ZNF746: variants seen among roughly 807,000 people sequenced by gnomAD.
The protein encoded by ZNF746 is zinc finger protein 746.
ZNF746 carries 13 observed loss-of-function variants against 41.0 expected under a neutral mutation model. The ratio of observed to expected loss-of-function variants is 0.32; its 90% CI spans 0.21 to 0.50. The LOEUF (loss-of-function observed/expected upper bound fraction) is 0.50, where lower values mean the gene tolerates loss of function less well. Among genes scored for constraint, ZNF746 ranks in the 20% least tolerant of loss-of-function variants. The pLI is 0.98. For missense variants in ZNF746, 811 were observed against 922.9 expected (o/e 0.88, Z 1.57); for synonymous variants, 424 against 396.2 (o/e 1.07, Z -0.83).
At position 149,475,214 on chromosome 7, in the gene ZNF746, G is replaced by A. The variant is rs1800255595; in HGVS notation, c.1153C>T (p.Pro385Ser). ...ACCCCTCCGAAGAGCCAGTCCCCAGGAGGGGTCTCCTCCTGGGCCACAGCA... is the reference window on the plus strand; with the variant it reads ...ACCCCTCCGAAGAGCCAGTCCCCAGAAGGGGTCTCCTCCTGGGCCACAGCA... ...SPAVAQEETP[P>S]GDWLFGGVRW... The change falls in exon 7 of 7, where the codon CCT (proline) becomes TCT (serine). Residue 385 changes from proline to serine, a missense_variant. By Grantham distance (74) the Pro-to-Ser change is moderately conservative. Coordinates refer to ENST00000458143, the MANE Select transcript of ZNF746 (RefSeq NM_001394198.1). 8 of 1,612,950 alleles carry A rather than the reference G, an allele frequency of 5.0e-6. No homozygotes were observed. The highest frequency in any genetic ancestry group is 2.2e-5 in the East Asian group (1 of 44,818).
At chr7:149,490,685 A>G (rs1562992031) in intron 4 of ZNF746, 1 of 152,690 alleles carries the variant, frequency 6.5e-6, no homozygotes, top group Non-Finnish European at 1.5e-5. Flanking sequence ...GGTATGGTAA[A>G]GTCACTGTCG....
intron 4 of ZNF746, among the ~76,000 whole-genome samples, chr7:149,482,164 T>G (rs1226623283): frequency 6.6e-6 from 1 of 152,232 alleles, no homozygotes; most frequent in East Asian, 1.9e-4. Context: ...ACATTTCAAG[T>G]GCTCAGTAGC....
chr7:149,493,883 G>A, intron 3 of ZNF746, 106 bp downstream of exon 3: 1 of 1,575,632 alleles, frequency 6.3e-7, no homozygotes, highest in Non-Finnish European at 8.7e-7. Flanking sequence ...GGTCAACAAT[G>A]TTTCTGGTGA....
At chr7:149,478,842 A>G (rs577104106) in intron 4 of ZNF746, among the ~76,000 whole-genome samples, 2 of 152,258 alleles carry the variant, frequency 1.3e-5, no homozygotes, top group Admixed American at 1.3e-4. Flanking sequence ...AAAGAACTCA[A>G]CATTCTAGAA....
chr7:149,475,426 G>C lies in ZNF746; in HGVS notation c.941C>G (p.Pro314Arg). 2 of 1,613,826 alleles carry C rather than the reference G, an allele frequency of 1.2e-6. No homozygotes were observed. Residue 314 changes from proline to arginine, a missense_variant, in exon 7 of 7, where the codon CCC becomes CGC. Physicochemically the swap from Pro to Arg is moderately radical, Grantham distance 103. Transcript: ENST00000458143. ...EVQEEEVVATPVHPTDLEAHG... is the reference protein window; with the variant it reads ...EVQEEEVVATRVHPTDLEAHG... ...AGCCTCTAGGTCAGTAGGATGTACGGGTGTGGCCACCACCTCCTCTTCCTG... is the reference window on the plus strand; with the variant it reads ...AGCCTCTAGGTCAGTAGGATGTACGCGTGTGGCCACCACCTCCTCTTCCTG...
intron 1 of ZNF746, among the ~76,000 whole-genome samples, chr7:149,496,497 C>G (rs1801002141): frequency 6.6e-6 from 1 of 152,192 alleles, no homozygotes; most frequent in Non-Finnish European, 1.5e-5. Context: ...TTCTTAGTCT[C>G]TCTCTGCAGA....
intron 4 of ZNF746, chr7:149,491,662 T>C (rs1285497107): frequency 1.4e-5 from 8 of 554,770 alleles, no homozygotes; most frequent in South Asian, 1.3e-4. Flanking sequence ...TGAGATGAGA[T>C]GACGAACATG....
At position 149,474,264 on chromosome 7, in the gene ZNF746, GC is replaced by G. The variant is rs887762113; in HGVS notation, c.*119del. On this transcript the variant is annotated 3_prime_UTR_variant, in exon 7 of 7. Transcript: ENST00000458143. This position sits in a 1 kb window ranked among gnomAD's most constrained non-coding sequence, Gnocchi z 6.3. Reference sequence around the variant, plus strand: ...TCTTTCTCCAGTGATCATCAGTTCAGCAACTTGGACATTTGGTTCTCCCCGT... The same window carrying G: ...TCTTTCTCCAGTGATCATCAGTTCAGAACTTGGACATTTGGTTCTCCCCGT... 40 of 1,175,080 alleles carry G rather than the reference GC, an allele frequency of 3.4e-5. No individual in the cohort carries two copies. The African/African-American group carries it at 5.0e-4, about 15-fold the overall frequency. The allele number at this position is 1,175,080 out of a possible 1,614,324, so 72.8% of individuals were successfully genotyped here. A position where few individuals can be genotyped will look rare whatever the true frequency, so the allele number is the denominator to read the frequency against.
chr7:149,474,137 A>G lies in ZNF746; in HGVS notation c.*247T>C. The G allele has an allele frequency of 1.9e-6, 1 of 539,710 alleles. No individual in the cohort carries two copies. The highest frequency in any genetic ancestry group is 3.3e-6 in the Non-Finnish European group (1 of 306,850). 33.4% of individuals were successfully genotyped at this position (539,710 alleles called of 1,614,324 possible). A position where few individuals can be genotyped will look rare whatever the true frequency, so the allele number is the denominator to read the frequency against. On this transcript the variant is annotated 3_prime_UTR_variant, in exon 7 of 7. Coordinates refer to ENST00000458143, the MANE Select transcript of ZNF746 (RefSeq NM_001394198.1). The surrounding 1 kb of genome is among the most constrained non-coding windows in gnomAD (Gnocchi z 6.3). ...TAAAAAAAAACAAAAAACAAAAAAC[A>G]AAACAGGTTTGCAATTAAATTACTT... is the stretch of plus-strand genomic sequence containing the variant.
chr7:149,479,660 G>A (rs1474145733), intron 4 of ZNF746, among the ~76,000 whole-genome samples: 2 of 152,190 alleles, frequency 1.3e-5, no homozygotes, highest in Admixed American at 1.3e-4. Flanking sequence ...TGTAAAAACA[G>A]CATTTAGCTC....
rs1167652795 is a variant in ZNF746, at chr7:149,473,106, T to C, written c.*1278A>G. 1 of 152,038 alleles carries C rather than the reference T, an allele frequency of 6.6e-6. No individual in the cohort carries two copies. Among genetic ancestry groups the C allele is most frequent in the Non-Finnish European group, 1.5e-5 (1 of 68,028 alleles). 9.4% of individuals were successfully genotyped at this position (152,038 alleles called of 1,614,324 possible). On this transcript the variant is annotated 3_prime_UTR_variant, in exon 7 of 7. Transcript: ENST00000458143. ...GGCCCACCTTTATGATGTTAGATGCTGGAATGAACAAGCCACTTGGCCCCC... is the reference window on the plus strand; with the variant it reads ...GGCCCACCTTTATGATGTTAGATGCCGGAATGAACAAGCCACTTGGCCCCC...
intron 6 of ZNF746, 83 bp downstream of exon 6, chr7:149,476,839 C>A: frequency 6.3e-7 from 1 of 1,592,538 alleles, no homozygotes; most frequent in Non-Finnish European, 8.6e-7. Flanking sequence ...CAGAGCAGTT[C>A]ACCAGTGAAA....
Position 149,477,038 on chromosome 7 carries a change from G to C in ZNF746, c.767C>G (p.Ser256Cys). 6.2e-7 allele frequency: 1 copy of C among 1,613,112 alleles called. No individual in the cohort carries two copies. The highest frequency in any genetic ancestry group is 8.5e-7 in the Non-Finnish European group (1 of 1,179,706). ...ISTDATSGVH[S>C]NFSTTIPPTS... ...GGGCGGGATGGTGGTGGAAAAGTTG[G>C]AATGGACACCTGCGGTAAGGGGAGA... is the stretch of plus-strand genomic sequence containing the variant. Residue 256 changes from serine to cysteine, a missense_variant, in exon 6 of 7, where the codon TCC (serine) becomes TGC (cysteine). By Grantham distance (112) the Ser-to-Cys change is moderately radical. Transcript: ENST00000458143.
At chr7:149,478,972 C>T (rs1800404076) in intron 4 of ZNF746, among the ~76,000 whole-genome samples, 1 of 151,904 alleles carries the variant, frequency 6.6e-6, no homozygotes, top group South Asian at 2.1e-4. Flanking sequence ...GGGAAATAAC[C>T]CAGAGTACAA....
At chr7:149,492,021 G>T in intron 4 of ZNF746, 4 of 702,232 alleles carry the variant, frequency 5.7e-6, no homozygotes, top group South Asian at 4.4e-5. Context: ...GCTGACCAAT[G>T]TAGACCAAAG....
At position 149,474,233 on chromosome 7, in the gene ZNF746, A is replaced by G; in HGVS notation, c.*151T>C. ...AGAGGTGGCAGCTGTCCTGGTGGAT[A>G]GTTTCTCTTTCTCCAGTGATCATCA... is the stretch of plus-strand genomic sequence containing the variant. On this transcript the variant is annotated 3_prime_UTR_variant, in exon 7 of 7. Coordinates refer to ENST00000458143, the MANE Select transcript of ZNF746 (RefSeq NM_001394198.1). The surrounding 1 kb of genome is among the most constrained non-coding windows in gnomAD (Gnocchi z 6.3). 1 of 842,808 alleles carries G rather than the reference A, an allele frequency of 1.2e-6. No individual in the cohort carries two copies. Among genetic ancestry groups the G allele is most frequent in the Non-Finnish European group, 1.8e-6 (1 of 553,686 alleles). 52.2% of individuals were successfully genotyped at this position (842,808 alleles called of 1,614,324 possible). A position where few individuals can be genotyped will look rare whatever the true frequency, so the allele number is the denominator to read the frequency against.
intron 4 of ZNF746, 58 bp downstream of exon 4, chr7:149,492,801 T>C (rs1031916149): frequency 3.2e-6 from 4 of 1,248,130 alleles, no homozygotes; most frequent in Non-Finnish European, 4.6e-6. Flanking sequence ...TTCTGGCCTT[T>C]CCGTCTCTGT....
chr7:149,484,163 A>G (rs1800557627), intron 4 of ZNF746, among the ~76,000 whole-genome samples: 1 of 152,112 alleles, frequency 6.6e-6, no homozygotes. Flanking sequence ...CATTACAAAA[A>G]CTCTCTGAAA....
intron 4 of ZNF746, among the ~76,000 whole-genome samples, chr7:149,485,246 T>C (rs1800589435): frequency 6.6e-6 from 1 of 150,722 alleles, no homozygotes; most frequent in Non-Finnish European, 1.5e-5. Flanking sequence ...ACAAACCAAA[T>C]GGAGTGACTT....
Sources: gnomAD v4.1 joint callset for allele counts (sites outside exome capture counted in the v4.1 genomes callset) on GRCh38, gnomAD v4.1.1 for gene constraint, Gnocchi (gnomAD v3.1) non-coding constraint, MANE v1.5 for transcripts, NCBI Gene and HGNC (gene_info 2026-07-23, HGNC 2026-07-21) for gene names.